The following KDM4C variants were observed in gnomAD, a reference collection of about 807,000 sequenced individuals.
KDM4C encodes lysine-specific demethylase 4C.
KDM4C carries 81 observed loss-of-function variants against 129.3 expected under a neutral mutation model. The ratio of observed to expected loss-of-function variants is 0.63; its 90% CI spans 0.52 to 0.75. The LOEUF (loss-of-function observed/expected upper bound fraction) is 0.75. Ranked by LOEUF, KDM4C falls within the 30% of genes least tolerant of loss-of-function variation. The pLI is 0.00. For synonymous variants in KDM4C, 573 were observed against 456.1 expected, an observed-to-expected ratio of 1.26 and a Z score of -3.26; for missense variants, 1,457 against 1,304.0, an observed-to-expected ratio of 1.12 and a Z score of -1.81.
intron 19 of KDM4C, among the ~76,000 whole-genome samples, chr9:7,157,194 C>T (rs949034530): frequency 6.6e-6 from 1 of 152,168 alleles, no homozygotes; most frequent in African/African-American, 2.4e-5. Flanking sequence ...GATTTTTGCA[C>T]ATTGATTTTG....
At chr9:7,077,716 T>C (rs7044432) in intron 17 of KDM4C, among the ~76,000 whole-genome samples, 1,688 of 152,306 alleles carry the variant, frequency 0.011, 46 homozygotes, top group African/African-American at 0.038. Context: ...CTCATCATCA[T>C]TGCCTGGACT....
intron 15 of KDM4C, among the ~76,000 whole-genome samples, chr9:7,031,734 C>T (rs1227145350): frequency 2.0e-5 from 3 of 152,030 alleles, no homozygotes; most frequent in African/African-American, 7.2e-5. Context: ...AAGTAAGTGG[C>T]ATCTGCATAT....
intron 15 of KDM4C, among the ~76,000 whole-genome samples, chr9:7,025,773 C>T (rs908265060): frequency 4.6e-5 from 7 of 152,182 alleles, no homozygotes; most frequent in African/African-American, 1.7e-4. Flanking sequence ...AGTCTTTCTC[C>T]TTAAGATCAG....
In KDM4C at chr9:7,049,327, T is replaced by A. The variant is rs1829836925; in HGVS notation, c.2424+127T>A. 2 of 506,266 alleles carry A rather than the reference T, an allele frequency of 4.0e-6. 1 individual carries two copies. The highest frequency in any genetic ancestry group is 6.3e-5 in the South Asian group (2 of 31,614). 31.4% of individuals were successfully genotyped at this position (506,266 alleles called of 1,614,324 possible). On this transcript the variant is annotated intron_variant, in intron 17 of 21. Coordinates refer to ENST00000381309, the MANE Select transcript of KDM4C (RefSeq NM_015061.6). ...CTTTCTTTTATTTTTCTACCCTTATTTTCCTTTAGCCTAAATTTATTTATT... is the reference window on the plus strand; with the variant it reads ...CTTTCTTTTATTTTTCTACCCTTATATTCCTTTAGCCTAAATTTATTTATT...
chr9:7,105,809 C>G (rs185724412), intron 18 of KDM4C, among the ~76,000 whole-genome samples: 102 of 152,246 alleles, frequency 6.7e-4, no homozygotes, highest in African/African-American at 2.4e-3. Context: ...CCTCTTAACT[C>G]TCATGTGTGG....
chr9:6,784,954 A>G (rs556304518), intron 1 of KDM4C, among the ~76,000 whole-genome samples: 2 of 152,328 alleles, frequency 1.3e-5, no homozygotes, highest in South Asian at 2.1e-4. Flanking sequence ...ATGAAGTTAG[A>G]TGAAAAGTCA....
intron 3 of KDM4C, among the ~76,000 whole-genome samples, chr9:6,808,504 T>G (rs1368582605): frequency 1.4e-5 from 2 of 144,338 alleles, no homozygotes; most frequent in African/African-American, 5.4e-5. Context: ...AGCATGCTCG[T>G]TAAGAGTCAT....
chr9:6,984,376 G>C lies in KDM4C; in HGVS notation c.1326G>C (p.Gln442His), dbSNP rs957988797. 4 of 1,612,838 alleles carry C rather than the reference G, an allele frequency of 2.5e-6. No individual in the cohort carries two copies. In the East Asian group the frequency reaches 6.7e-5, roughly 27 times the overall value. ...ESSASRMQVE[Q>H]NLSDHIKLSG... ...CTGCTAGCAGGATGCAGGTGGAGCA[G>C]AATTTATCAGATCATATCAAACTCT... The change falls in exon 10 of 22, where the codon CAG becomes CAC. Residue 442 changes from glutamine (Q) to histidine (H), a missense_variant. Gln to His is a conservative substitution (Grantham distance 24). Transcript: ENST00000381309.
intron 6 of KDM4C, among the ~76,000 whole-genome samples, chr9:6,885,695 G>A (rs1220193543): frequency 6.6e-6 from 1 of 152,024 alleles, no homozygotes; most frequent in East Asian, 1.9e-4. Context: ...GAGTGAGAGT[G>A]AGTATGAACC....
At chr9:6,728,332 G>C (rs1817210638) in intron 1 of KDM4C, among the ~76,000 whole-genome samples, 1 of 151,946 alleles carries the variant, frequency 6.6e-6, no homozygotes, top group African/African-American at 2.4e-5. Context: ...TCAGGAGTTT[G>C]AGACCAGCCT....
intron 12 of KDM4C, among the ~76,000 whole-genome samples, chr9:7,009,024 A>G (rs567389079): frequency 3.3e-5 from 5 of 152,364 alleles, no homozygotes; most frequent in Non-Finnish European, 7.3e-5. Flanking sequence ...AACAAAATAA[A>G]ACCTCAGTAA....
In KDM4C at chr9:6,973,019, T is replaced by C. The variant is rs139563046; in HGVS notation, c.922-7906T>C. ...TATAATAGTGGGGCCAGACATAGTC[T>C]CATACTTGAGAGGGAAGGCAGGGAT... On this transcript the variant is annotated intron_variant, in intron 8 of 21. Transcript: ENST00000381309. Among the ~76,000 whole-genome samples, 8 of 152,338 alleles carry C rather than the reference T, an allele frequency of 5.3e-5. No homozygotes were observed. In the East Asian group the frequency reaches 1.5e-3, roughly 29 times the overall value.
intron 8 of KDM4C, among the ~76,000 whole-genome samples, chr9:6,947,616 A>G (rs1011000473): frequency 6.6e-6 from 1 of 152,130 alleles, no homozygotes; most frequent in Non-Finnish European, 1.5e-5. Context: ...GTATGGTATG[A>G]GGCCGAGACC....
chr9:7,126,549 G>A (rs189344125), intron 18 of KDM4C, among the ~76,000 whole-genome samples: 10 of 152,210 alleles, frequency 6.6e-5, no homozygotes, highest in African/African-American at 2.4e-4. Context: ...GGATGAATAG[G>A]GATATCACTC....
chr9:6,900,928 CAG>C (rs1193203999), intron 8 of KDM4C, among the ~76,000 whole-genome samples: 2 of 151,102 alleles, frequency 1.3e-5, no homozygotes, highest in East Asian at 1.9e-4. Context: ...GTATGATTAT[CAG>C]GGGCCAAATT....
intron 1 of KDM4C, among the ~76,000 whole-genome samples, chr9:6,728,020 A>G (rs895711393): frequency 4.0e-5 from 6 of 150,286 alleles, no homozygotes; most frequent in Non-Finnish European, 8.9e-5. Context: ...TTAAACCACT[A>G]CAGAATACTA....
At chr9:6,956,933 G>T (rs1328987360) in intron 8 of KDM4C, among the ~76,000 whole-genome samples, 1 of 152,078 alleles carries the variant, frequency 6.6e-6, no homozygotes, top group Non-Finnish European at 1.5e-5. Context: ...CCATCCTCTG[G>T]CTTGGTTCTG....
chr9:6,961,045 T>G (rs1255565078), intron 8 of KDM4C, among the ~76,000 whole-genome samples: 2 of 152,182 alleles, frequency 1.3e-5, no homozygotes, highest in African/African-American at 4.8e-5. Flanking sequence ...CAAATTCACT[T>G]TCTTTTTCTT....
chr9:6,721,601 T>C (rs1311405424), intron 1 of KDM4C, among the ~76,000 whole-genome samples: 2 of 144,718 alleles, frequency 1.4e-5, no homozygotes, highest in East Asian at 4.1e-4. Flanking sequence ...TTTTTTTTTT[T>C]TTCCTGAGAC....
Sources: gnomAD v4.1 joint callset for allele counts (sites outside exome capture counted in the v4.1 genomes callset) on GRCh38, gnomAD v4.1.1 for gene constraint, MANE v1.5 for transcripts, NCBI Gene and HGNC (gene_info 2026-07-23, HGNC 2026-07-21) for gene names.